The following SPOCK3 variants were observed in gnomAD, a reference collection of about 807,000 sequenced individuals.
SPOCK3 encodes testican-3.
A neutral mutation model predicts 56.6 loss-of-function variants in SPOCK3; 30 were observed. That is an observed-to-expected ratio of 0.53 (90% confidence interval 0.40 to 0.72). The LOEUF (loss-of-function observed/expected upper bound fraction) is 0.72. Among genes scored for constraint, SPOCK3 ranks in the 30% least tolerant of loss-of-function variants. SPOCK3 has a pLI of 0.00. For synonymous variants in SPOCK3, 196 were observed against 183.3 expected, an observed-to-expected ratio of 1.07 and a Z score of -0.56; for missense variants, 527 against 530.0, an observed-to-expected ratio of 0.99 and a Z score of 0.06.
In SPOCK3 at chr4:167,068,869, A is replaced by T. The variant is rs10018727; in HGVS notation, c.190-6332T>A. Among the ~76,000 whole-genome samples the T allele has an allele frequency of 5.0e-3, 766 of 152,082 alleles. 4 individuals are homozygous for T. The highest frequency in any genetic ancestry group is 0.018 in the African/African-American group (732 of 41,554). On this transcript the variant is annotated intron_variant, in intron 2 of 10. Transcript: ENST00000357545. ...ATGTAAAGAGAAACCTATTCAAAGC[A>T]TGATGGGAGCAAGAAGAGAAAACAA...
intron 2 of SPOCK3, among the ~76,000 whole-genome samples, chr4:167,174,616 A>C (rs1730805636): frequency 6.6e-6 from 1 of 152,168 alleles, no homozygotes; most frequent in African/African-American, 2.4e-5. Context: ...AGATGAGCCT[A>C]GAGCCTATCG....
At chr4:166,888,417 A>G (rs1258115208) in intron 6 of SPOCK3, among the ~76,000 whole-genome samples, 2 of 152,020 alleles carry the variant, frequency 1.3e-5, no homozygotes, top group Non-Finnish European at 2.9e-5. Context: ...TATTCTCCAC[A>G]CTTCCTTCTT....
At chr4:166,991,180 T>TG in intron 4 of SPOCK3, among the ~76,000 whole-genome samples, 1 of 151,978 alleles carries the variant, frequency 6.6e-6, no homozygotes, top group African/African-American at 2.4e-5. Context: ...CAATTTCCTT[T>TG]AATTCACCAC....
chr4:166,919,538 T>C (rs780694905), intron 4 of SPOCK3, among the ~76,000 whole-genome samples: 4 of 152,146 alleles, frequency 2.6e-5, no homozygotes, highest in Non-Finnish European at 4.4e-5. Flanking sequence ...TAAAATAGCT[T>C]TGAAATGTAT....
intron 9 of SPOCK3, 50 bp downstream of exon 9, chr4:166,741,947 G>C: frequency 1.6e-6 from 2 of 1,238,858 alleles, no homozygotes; most frequent in South Asian, 2.5e-5. Context: ...GTTTCCCTGG[G>C]GTTATTTATG....
intron 2 of SPOCK3, among the ~76,000 whole-genome samples, chr4:167,182,652 GC>G (rs1731585021): frequency 6.6e-6 from 1 of 151,836 alleles, no homozygotes; most frequent in African/African-American, 2.4e-5. Flanking sequence ...CGATTCTCCT[GC>G]CTCAGCCTCC....
At chr4:167,108,978 T>TA (rs1232103403) in intron 2 of SPOCK3, among the ~76,000 whole-genome samples, 7 of 44,844 alleles carry the variant, frequency 1.6e-4, no homozygotes, top group African/African-American at 6.1e-4. Context: ...TATATAAATA[T>TA]TATAAATATA....
chr4:166,991,343 A>ATATT (rs5863850), intron 4 of SPOCK3, among the ~76,000 whole-genome samples: 90,439 of 142,582 alleles, frequency 0.63, 28,921 homozygotes, highest in East Asian at 0.73. Flanking sequence ...TTTTGTTTTT[A>ATATT]TATTTATTTA....
At chr4:166,925,882 C>T (rs1311738080) in intron 4 of SPOCK3, among the ~76,000 whole-genome samples, 1 of 152,060 alleles carries the variant, frequency 6.6e-6, no homozygotes. Flanking sequence ...ACTCATGGAG[C>T]CACATGAACG....
intron 2 of SPOCK3, among the ~76,000 whole-genome samples, chr4:167,130,644 T>G (rs938438984): frequency 6.6e-6 from 1 of 152,100 alleles, no homozygotes; most frequent in African/African-American, 2.4e-5. Flanking sequence ...ATCAATATAA[T>G]TATCAAAAAA....
intron 6 of SPOCK3, among the ~76,000 whole-genome samples, chr4:166,827,935 C>T (rs570360573): frequency 6.3e-4 from 95 of 151,932 alleles, no homozygotes; most frequent in Non-Finnish European, 1.0e-3. Flanking sequence ...GAGCATCTCT[C>T]TTTTTAATGA....
chr4:166,773,262 T>C (rs1408189480), intron 7 of SPOCK3, among the ~76,000 whole-genome samples: 1 of 152,120 alleles, frequency 6.6e-6, no homozygotes, highest in Non-Finnish European at 1.5e-5. Context: ...TACCGGAAAA[T>C]AAAGGAAAAT....
intron 4 of SPOCK3, among the ~76,000 whole-genome samples, chr4:166,948,044 T>C (rs977856533): frequency 6.6e-6 from 1 of 152,172 alleles, no homozygotes; most frequent in African/African-American, 2.4e-5. Context: ...CCCCAGCCTT[T>C]AGTAACCTAT....
intron 6 of SPOCK3, among the ~76,000 whole-genome samples, chr4:166,797,960 C>T (rs572029975): frequency 6.6e-6 from 1 of 152,094 alleles, no homozygotes; most frequent in African/African-American, 2.4e-5. Flanking sequence ...CAACAAAGAA[C>T]ATCATATACA....
chr4:166,895,542 AT>A (rs1735287652), intron 5 of SPOCK3, among the ~76,000 whole-genome samples: 1 of 152,162 alleles, frequency 6.6e-6, no homozygotes, highest in Admixed American at 6.5e-5. Flanking sequence ...GATGATTTCA[AT>A]GGTTACCCAA....
intron 2 of SPOCK3, among the ~76,000 whole-genome samples, chr4:167,174,740 C>T (rs570148673): frequency 1.3e-5 from 2 of 152,256 alleles, no homozygotes; most frequent in South Asian, 4.1e-4. Context: ...TAGAGTGGGA[C>T]CTTGGGGGCT....
chr4:166,803,020 T>C (rs1004497693), intron 6 of SPOCK3, among the ~76,000 whole-genome samples: 1 of 152,128 alleles, frequency 6.6e-6, no homozygotes, highest in African/African-American at 2.4e-5. Context: ...ATCAGATAAC[T>C]TGGTCTCCAA....
intron 2 of SPOCK3, among the ~76,000 whole-genome samples, chr4:167,194,008 CT>C (rs1239056645): frequency 1.3e-5 from 2 of 152,112 alleles, no homozygotes; most frequent in Admixed American, 6.5e-5. Flanking sequence ...TATTAATTTG[CT>C]TTTTGGTATC....
At chr4:167,145,302 T>A (rs1282365652) in intron 2 of SPOCK3, among the ~76,000 whole-genome samples, 1 of 152,110 alleles carries the variant, frequency 6.6e-6, no homozygotes, top group Non-Finnish European at 1.5e-5. Context: ...GCTTTGGACA[T>A]ATGAACTTGA....
Sources: gnomAD v4.1 joint callset for allele counts (sites outside exome capture counted in the v4.1 genomes callset) on GRCh38, gnomAD v4.1.1 for gene constraint, MANE v1.5 for transcripts, NCBI Gene and HGNC (gene_info 2026-07-23, HGNC 2026-07-21) for gene names.